Variants in COL4A6 observed in about 807,000 individuals in gnomAD.
The protein encoded by COL4A6 is collagen type IV alpha 6 chain, also known as collagen alpha-6(IV) chain.
In COL4A6, 59 loss-of-function variants were observed where a neutral mutation model predicts 126.7. That is an observed-to-expected ratio of 0.47 (90% CI 0.38 to 0.58). The LOEUF is 0.58. COL4A6 is among the 20% of genes least tolerant of loss of function. The pLI, the probability that COL4A6 is intolerant of heterozygous loss-of-function variation, is 0.00. For synonymous variants in COL4A6, 547 were observed against 496.6 expected (o/e 1.10, Z -1.35); for missense variants, 1,285 against 1,337.3 (o/e 0.96, Z 0.61).
At chrX:108,185,791 G>A (rs2034841941) in intron 23 of COL4A6, among the ~76,000 whole-genome samples, 1 of 112,148 alleles carries the variant, frequency 8.9e-6, no homozygotes, top group Non-Finnish European at 1.9e-5. Context: ...GAAAGTAAAA[G>A]CAGTAATAGA....
At chrX:108,208,558 C>A (rs2035613321) in intron 8 of COL4A6, among the ~76,000 whole-genome samples, 1 of 112,110 alleles carries the variant, frequency 8.9e-6, no homozygotes, top group Admixed American at 9.4e-5. Context: ...AATATTTGGA[C>A]ACGAAGCAAC....
intron 3 of COL4A6, among the ~76,000 whole-genome samples, chrX:108,301,486 A>G (rs879224131): frequency 1.8e-5 from 2 of 111,295 alleles, no homozygotes; most frequent in Admixed American, 1.9e-4. Flanking sequence ...ATGTCTTCCT[A>G]GCAGATTTTC....
chrX:108,214,320 A>C, intron 5 of COL4A6, 92 bp from the exon 6 acceptor site: 1 of 599,475 alleles, frequency 1.7e-6, no homozygotes, highest in Non-Finnish European at 2.7e-6. Context: ...GCATGCTATT[A>C]AACTGTGGCT....
At chrX:108,217,346 G>T (rs1364054866) in intron 5 of COL4A6, among the ~76,000 whole-genome samples, 1 of 111,809 alleles carries the variant, frequency 8.9e-6, no homozygotes, top group East Asian at 2.8e-4. Flanking sequence ...GTTACTGAAA[G>T]TTGAACAAAA....
At chrX:108,241,553 AT>A (rs2036573527) in intron 3 of COL4A6, among the ~76,000 whole-genome samples, 1 of 90,647 alleles carries the variant, frequency 1.1e-5, no homozygotes, top group African/African-American at 5.3e-5. Flanking sequence ...AATAGTAAAT[AT>A]ATATATATAT....
intron 2 of COL4A6, among the ~76,000 whole-genome samples, chrX:108,342,570 C>T (rs1437695770): frequency 8.9e-6 from 1 of 111,871 alleles, no homozygotes; most frequent in Admixed American, 9.5e-5. Context: ...CAAAAATACA[C>T]TCTGTACAAT....
upstream of COL4A6, chrX:108,438,549 C>T (rs968256335): frequency 1.3e-5 from 10 of 758,485 alleles, no homozygotes; most frequent in Non-Finnish European, 1.5e-5. Flanking sequence ...ACACAACAGC[C>T]CTAAGTATCT....
chrX:108,284,720 A>G (rs1429103565), intron 3 of COL4A6, among the ~76,000 whole-genome samples: 1 of 112,450 alleles, frequency 8.9e-6, no homozygotes, highest in East Asian at 2.8e-4. Flanking sequence ...AATTTACAGT[A>G]TTAATAGTCA....
rs766388084 is a variant in COL4A6 at position 108,205,657 on chromosome X, T to C, written c.645+3A>G. The C allele has an allele frequency of 8.3e-7, 1 of 1,207,786 alleles. No homozygotes were observed. The highest frequency in any genetic ancestry group is 1.8e-5 in the South Asian group (1 of 56,444). ...AAAATGCCCTAAGACAAAGTATACT[T>C]ACATCAGGACCAAGAGGACCAGGAG... On this transcript the variant is annotated splice_donor_region_variant and intron_variant, in intron 10 of 44. Coordinates refer to ENST00000334504, the MANE Select transcript of COL4A6 (RefSeq NM_033641.4).
At chrX:108,180,112 C>T (rs1002668201) in intron 25 of COL4A6, among the ~76,000 whole-genome samples, 4 of 110,624 alleles carry the variant, frequency 3.6e-5, no homozygotes, top group Non-Finnish European at 7.6e-5. Flanking sequence ...GGACAACTTC[C>T]CTCTGACTGA....
intron 2 of COL4A6, among the ~76,000 whole-genome samples, chrX:108,341,919 G>T (rs942576581): frequency 1.8e-5 from 2 of 112,311 alleles, no homozygotes; most frequent in Non-Finnish European, 3.8e-5. Flanking sequence ...TACAGCAGAG[G>T]TTCCAGGCTG....
At position 108,165,387 on chromosome X, in the gene COL4A6, C is replaced by A. The variant is rs2148064982; in HGVS notation, c.3791G>T (p.Gly1264Val). 8.3e-7 allele frequency: 1 copy of A among 1,208,750 alleles called. No individual in the cohort carries two copies. The highest frequency in any genetic ancestry group is 1.1e-6 in the Non-Finnish European group (1 of 893,885). ...AGQPGDPGRP[G>V]LDGERGRPGP... is the part of the protein sequence containing the mutation. ...GTCTTTACCTCGTTCTCCATCTAGG[C>A]CTGGTCGCCCGGGGTCACCAGGCTG... The change falls in exon 38 of 45, where the codon GGC becomes GTC. Residue 1264 changes from glycine to valine, a missense_variant. Transcript: ENST00000334504.
At chrX:108,193,534 G>T in intron 17 of COL4A6, 94 bp downstream of exon 17, 1 of 743,384 alleles carries the variant, frequency 1.3e-6, no homozygotes, top group Non-Finnish European at 2.0e-6. Context: ...AGCAACAATC[G>T]AGTAACTAAC....
chrX:108,341,703 T>C (rs2039569325), intron 2 of COL4A6, among the ~76,000 whole-genome samples: 1 of 111,366 alleles, frequency 9.0e-6, no homozygotes, highest in Non-Finnish European at 1.9e-5. Flanking sequence ...TAATCACTTC[T>C]ACCGCTGAAA....
At chrX:108,438,611 A>T (rs923814230), upstream of COL4A6, among the ~76,000 whole-genome samples, 1 of 112,514 alleles carries the variant, frequency 8.9e-6, no homozygotes, top group Non-Finnish European at 1.9e-5. Flanking sequence ...GACCTAAGCA[A>T]CTGTGCATCA....
chrX:108,332,637 T>A (rs12859282), intron 2 of COL4A6, among the ~76,000 whole-genome samples: 1,840 of 111,985 alleles, frequency 0.016, 17 homozygotes, highest in Middle Eastern at 0.032. Context: ...GTTGGCCACC[T>A]GCATTTCTTC....
chrX:108,363,121 G>T (rs2040616432), intron 2 of COL4A6, among the ~76,000 whole-genome samples: 1 of 112,318 alleles, frequency 8.9e-6, no homozygotes, highest in Admixed American at 9.5e-5. Context: ...GCACACGAGA[G>T]AGTGGACTGT....
intron 2 of COL4A6, among the ~76,000 whole-genome samples, chrX:108,385,136 T>C (rs1295095747): frequency 9.1e-6 from 1 of 110,117 alleles, no homozygotes; most frequent in Non-Finnish European, 1.9e-5. Context: ...AGTATGTGTA[T>C]AGAATGGGAA....
rs2034409855 is a variant in COL4A6, at chrX:108,174,413, T to C, written c.3138+27A>G. 5 of 1,202,912 alleles carry C rather than the reference T, an allele frequency of 4.2e-6. No homozygotes were observed. In the South Asian group the frequency reaches 7.1e-5, roughly 17 times the overall value. On this transcript the variant is annotated intron_variant, in intron 31 of 44. Transcript: ENST00000334504. The stretch of plus-strand genomic sequence containing the variant: ...GTGAGATGGGGGGCCTTTTCTGGTA[T>C]AAAGACAAAGATCTGGTCACACTTA...
Sources: gnomAD v4.1 joint callset for allele counts (sites outside exome capture counted in the v4.1 genomes callset) on GRCh38, gnomAD v4.1.1 for gene constraint, MANE v1.5 for transcripts, NCBI Gene and HGNC (gene_info 2026-07-23, HGNC 2026-07-21) for gene names.